The following ASPG variants were observed in gnomAD, a reference collection of about 807,000 sequenced individuals.
ASPG encodes asparaginase.
ASPG carries 53 observed loss-of-function variants against 63.2 expected under a neutral mutation model. That is an observed-to-expected ratio of 0.84 (90% CI 0.67 to 1.05). The LOEUF (loss-of-function observed/expected upper bound fraction) is 1.05. Ranked by LOEUF, ASPG falls within the 50% of genes least tolerant of loss-of-function variation. The probability of loss-of-function intolerance (pLI) is 0.00; values close to 1 mark genes in which losing one functional copy is unlikely to be tolerated. For missense variants in ASPG, 741 were observed against 794.4 expected (o/e 0.93, Z 0.81); for synonymous variants, 370 against 355.0 (o/e 1.04, Z -0.48).
At chr14:104,099,488 G>A (rs1181435922) in intron 6 of ASPG, among the ~76,000 whole-genome samples, 1 of 152,168 alleles carries the variant, frequency 6.6e-6, no homozygotes, top group African/African-American at 2.4e-5. Flanking sequence ...GAGCAGCCTT[G>A]GAGCTTGTTC....
intron 10 of ASPG, among the ~76,000 whole-genome samples, chr14:104,106,255 C>T (rs1028096055): frequency 1.2e-4 from 18 of 152,300 alleles, no homozygotes; most frequent in African/African-American, 4.1e-4. Context: ...TGTGGTGGCA[C>T]CTGTGGGGCC....
chr14:104,112,067 C>A, intron 15 of ASPG, 67 bp downstream of exon 15: 1 of 1,428,246 alleles, frequency 7.0e-7, no homozygotes, highest in Non-Finnish European at 9.5e-7. Flanking sequence ...TGGATCCTGG[C>A]TCGGGGGGGC....
intron 1 of ASPG, among the ~76,000 whole-genome samples, chr14:104,087,628 CTGGGGACTCTGTG>C (rs2036254938): frequency 6.6e-6 from 1 of 152,210 alleles, no homozygotes; most frequent in East Asian, 1.9e-4. Context: ...GGGACAGGAC[CTGGGGACTCTGTG>C]TGGGGCCTCG....
At chr14:104,097,919 G>A (rs893623896) in intron 5 of ASPG, among the ~76,000 whole-genome samples, 43 of 119,014 alleles carry the variant, frequency 3.6e-4, no homozygotes, top group African/African-American at 1.0e-3. Context: ...TGGAGGTTCT[G>A]CGTTAGAGAT....
chr14:104,086,079 G>T (rs2036214703), intron 1 of ASPG, among the ~76,000 whole-genome samples: 1 of 152,148 alleles, frequency 6.6e-6, no homozygotes, highest in Non-Finnish European at 1.5e-5. Context: ...GGTGCTCCCG[G>T]GAGCGCCCTG....
In ASPG at chr14:104,103,392, C is replaced by T. The variant is rs545132694; in HGVS notation, c.641-171C>T. Among the ~76,000 whole-genome samples the T allele has an allele frequency of 2.6e-5, 4 of 152,358 alleles. No individual in the cohort carries two copies. In the South Asian group the frequency reaches 6.2e-4, roughly 24 times the overall value. On this transcript the variant is annotated intron_variant, in intron 6 of 15. Transcript: ENST00000551177. The stretch of plus-strand genomic sequence containing the variant: ...GGCACAGGCCGGACTGCGCGGAAGC[C>T]CGGGAGGATTTGCCTGCGGGAGAGG...
chr14:104,093,632 CTGTGGTGTGTGGGTGGGGCTGAGGTGTG>C, intron 3 of ASPG, 30 bp downstream of exon 3: 1 of 861,428 alleles, frequency 1.2e-6, no homozygotes, highest in Non-Finnish European at 1.4e-6. Flanking sequence ...CTGGGTGGGG[CTGTGGTGTGTGGGTGGGGCTGAGGTGTG>C]TGGGTGGGGC....
chr14:104,103,145 G>A (rs919053647), intron 6 of ASPG, among the ~76,000 whole-genome samples: 1 of 152,272 alleles, frequency 6.6e-6, no homozygotes, highest in Non-Finnish European at 1.5e-5. Flanking sequence ...CTCCCCAGCT[G>A]GGCATGCCTG....
intron 5 of ASPG, 86 bp from the exon 6 acceptor site, chr14:104,098,767 C>A: frequency 1.3e-6 from 2 of 1,564,830 alleles, no homozygotes; most frequent in East Asian, 2.3e-5. Flanking sequence ...CTGGGCACCT[C>A]ATTGATGGCA....
At chr14:104,105,220 AGGCCAAGGGC>A in intron 9 of ASPG, 98 bp from the exon 10 acceptor site, 3 of 1,556,338 alleles carry the variant, frequency 1.9e-6, no homozygotes, top group Non-Finnish European at 2.6e-6. Context: ...GCCGAGGCTC[AGGCCAAGGGC>A]AACCCCTGAC....
chr14:104,102,526 C>A (rs1024817040), intron 6 of ASPG, among the ~76,000 whole-genome samples: 12 of 152,156 alleles, frequency 7.9e-5, no homozygotes, highest in Non-Finnish European at 1.6e-4. Flanking sequence ...CTGGGCTGGG[C>A]TCTCCAGCCT....
At chr14:104,095,482 C>T (rs2036554991) in intron 3 of ASPG, 49 bp from the exon 4 acceptor site, 21 of 1,609,248 alleles carry the variant, frequency 1.3e-5, no homozygotes, top group Non-Finnish European at 1.7e-5. Context: ...ACCTCCCCCA[C>T]ACCTGCTTGC....
At chr14:104,095,465 T>C (rs2036553594) in intron 3 of ASPG, 66 bp from the exon 4 acceptor site, 4 of 1,602,346 alleles carry the variant, frequency 2.5e-6, no homozygotes, top group Middle Eastern at 1.7e-4. Context: ...CTTTCCCCCA[T>C]GCTGCAACCT....
In ASPG at chr14:104,103,738, C is replaced by T. The variant is rs572913769; in HGVS notation, c.753+63C>T. 126 of 1,423,392 alleles carry T rather than the reference C, an allele frequency of 8.9e-5. No individual in the cohort carries two copies. The East Asian group carries it at 1.4e-3, about 16-fold the overall frequency. The allele number at this position is 1,423,392 out of a possible 1,614,324, so 88.2% of individuals were successfully genotyped here. On this transcript the variant is annotated intron_variant, in intron 7 of 15. Coordinates refer to ENST00000551177, the MANE Select transcript of ASPG (RefSeq NM_001080464.3). ...GAGCCCCAGCCCTCTGCAGCTCCCACGGCCCTCAGGCTCCCTGGGGCCCTC... is the reference window on the plus strand; with the variant it reads ...GAGCCCCAGCCCTCTGCAGCTCCCATGGCCCTCAGGCTCCCTGGGGCCCTC...
chr14:104,107,489 G>T, intron 12 of ASPG, 144 bp downstream of exon 12: 1 of 808,066 alleles, frequency 1.2e-6, no homozygotes. Context: ...CGCAGCCCGG[G>T]GCCCAGTAAG....
intron 5 of ASPG, among the ~76,000 whole-genome samples, chr14:104,098,291 G>T (rs1355990727): frequency 6.6e-6 from 1 of 152,194 alleles, no homozygotes; most frequent in Non-Finnish European, 1.5e-5. Context: ...GGGCTCTGAA[G>T]GGTGTCACTT....
chr14:104,112,799 CT>C lies in ASPG; in HGVS notation c.*256del, dbSNP rs1346935152. On this transcript the variant is annotated 3_prime_UTR_variant, in exon 16 of 16. Coordinates refer to ENST00000551177, the MANE Select transcript of ASPG (RefSeq NM_001080464.3). ...GAGTCAGGCCCAGGCTCTGTGGGGT[CT>C]CTGCGGGGGTCACTTGGCCCATCCT... 1 of 731,800 alleles carries C rather than the reference CT, an allele frequency of 1.4e-6. No homozygotes were observed. Among genetic ancestry groups the C allele is most frequent in the African/African-American group, 1.8e-5 (1 of 56,038 alleles). 45.3% of individuals were successfully genotyped at this position (731,800 alleles called of 1,614,324 possible).
rs61997620 is a variant in ASPG, at chr14:104,101,067, G to A, written c.640+2088G>A. Among the ~76,000 whole-genome samples the A allele has an allele frequency of 5.0e-3, 758 of 152,344 alleles. 10 individuals are homozygous for A. Among genetic ancestry groups the A allele is most frequent in the Non-Finnish European group, 5.1e-3 (347 of 68,034 alleles). On this transcript the variant is annotated intron_variant, in intron 6 of 15. Coordinates refer to ENST00000551177, the MANE Select transcript of ASPG (RefSeq NM_001080464.3). ...ACACACCGGCCTCAGGCCCAGGGCCGTGGGGCAGCTCCTGGGCGCAGCACT... is the reference window on the plus strand; with the variant it reads ...ACACACCGGCCTCAGGCCCAGGGCCATGGGGCAGCTCCTGGGCGCAGCACT...
intron 5 of ASPG, 143 bp from the exon 6 acceptor site, chr14:104,098,710 G>A: frequency 2.3e-6 from 3 of 1,313,862 alleles, no homozygotes; most frequent in African/African-American, 2.9e-5. Flanking sequence ...TCCCAGGAAG[G>A]TCTCTGCCTG....
Sources: allele counts gnomAD v4.1 joint callset (sites outside exome capture counted in the v4.1 genomes callset), GRCh38; gene constraint gnomAD v4.1.1; transcripts MANE v1.5; gene names NCBI Gene and HGNC (gene_info 2026-07-23, HGNC 2026-07-21).